The following XPO5 variants were observed in gnomAD, a reference collection of about 807,000 sequenced individuals.
XPO5 encodes the protein exportin 5.
A neutral mutation model predicts 160.6 loss-of-function variants in XPO5; 46 were observed. That is an observed-to-expected ratio of 0.29 (90% CI 0.23 to 0.37). The LOEUF (loss-of-function observed/expected upper bound fraction) is 0.37, where lower values mean the gene tolerates loss of function less well. Ranked by LOEUF, XPO5 falls within the 10% of genes least tolerant of loss-of-function variation. The pLI is 1.00. For missense variants in XPO5, 1,090 were observed against 1,463.9 expected (o/e 0.74, Z 4.17); for synonymous variants, 537 against 519.3 (o/e 1.03, Z -0.46).
chr6:43,533,714 T>C (rs1794142707), intron 21 of XPO5, 193 bp downstream of exon 21: 1 of 358,218 alleles, frequency 2.8e-6, no homozygotes, highest in Admixed American at 3.9e-5. Flanking sequence ...GATCTGCCTG[T>C]GGTCCAACTA....
rs920203485 is a variant in XPO5, at chr6:43,536,894, G to A, written c.2343-2887C>T. 3.3e-5 allele frequency among the ~76,000 whole-genome samples: 5 copies of A among 151,318 alleles called. 1 individual carries two copies. Among genetic ancestry groups the A allele is most frequent in the African/African-American group, 1.2e-4 (5 of 41,198 alleles). On this transcript the variant is annotated intron_variant, in intron 20 of 31. Coordinates refer to ENST00000265351, the MANE Select transcript of XPO5 (RefSeq NM_020750.3). ...TCTAACACGGTGAAACAGACAATAT[G>A]GTGTCTGTCCTCGACAACTCAACTC...
chr6:43,555,764 G>C, intron 13 of XPO5, 72 bp downstream of exon 13: 5 of 1,585,142 alleles, frequency 3.2e-6, no homozygotes, highest in Non-Finnish European at 4.3e-6. Flanking sequence ...GTATAGCTCA[G>C]GCTCATTTCC....
chr6:43,556,494 T>C (rs1413750045), intron 12 of XPO5, among the ~76,000 whole-genome samples: 1 of 148,504 alleles, frequency 6.7e-6, no homozygotes, highest in East Asian at 2.0e-4. Flanking sequence ...GCACCACTCT[T>C]GCCTGGACAA....
Position 43,548,246 on chromosome 6 carries a change from A to G in XPO5, c.2060+15T>C. 6.3e-7 allele frequency: 1 copy of G among 1,581,648 alleles called. No individual in the cohort carries two copies. Among genetic ancestry groups the G allele is most frequent in the Non-Finnish European group, 8.6e-7 (1 of 1,160,768 alleles). On this transcript the variant is annotated intron_variant, in intron 18 of 31. Coordinates refer to ENST00000265351, the MANE Select transcript of XPO5 (RefSeq NM_020750.3). Reference sequence around the variant, plus strand: ...CTTGAGTATAGTAAGAGTCAGGGCAAGGGATCTCCTTTACCTGTGCATGTC... The same window carrying G: ...CTTGAGTATAGTAAGAGTCAGGGCAGGGGATCTCCTTTACCTGTGCATGTC...
chr6:43,525,673 G>A lies in XPO5; in HGVS notation c.3066+166C>T. On this transcript the variant is annotated intron_variant, in intron 28 of 31. Transcript: ENST00000265351. ...CTATGCTGGTATGGGAGACACCATGGCATTGCACCTTTTCCCTCGGTTTTT... is the reference window on the plus strand; with the variant it reads ...CTATGCTGGTATGGGAGACACCATGACATTGCACCTTTTCCCTCGGTTTTT... 4 of 663,116 alleles carry A rather than the reference G, an allele frequency of 6.0e-6. No individual in the cohort carries two copies. The East Asian group carries it at 1.1e-4, about 18-fold the overall frequency. 41.1% of individuals were successfully genotyped at this position (663,116 alleles called of 1,614,324 possible). A position where few individuals can be genotyped will look rare whatever the true frequency, so the allele number is the denominator to read the frequency against.
rs1485505547 is a variant in XPO5 at position 43,549,504 on chromosome 6, G to A, written c.1845C>T (p.Tyr615=). ...CSSIIKMCRD[Y]PQLVLPNFDM... ...AGCAGCTTACCAGCACAAGCTGGGG[G>A]TAGTCACGACACATCTTGATGATGG... Residue 615 remains tyrosine, a synonymous_variant, in exon 17 of 32, where the codon TAC becomes TAT. Transcript: ENST00000265351. The A allele has an allele frequency of 3.7e-6, 6 of 1,612,018 alleles. No homozygotes were observed. Among genetic ancestry groups the A allele is most frequent in the African/African-American group, 1.3e-5 (1 of 74,966 alleles).
At chr6:43,569,547 A>T (rs942495103) in intron 5 of XPO5, among the ~76,000 whole-genome samples, 1 of 152,046 alleles carries the variant, frequency 6.6e-6, no homozygotes, top group Non-Finnish European at 1.5e-5. Flanking sequence ...CAGCCTGACC[A>T]ACATGGTGAA....
At chr6:43,546,329 G>A (rs1456452549) in intron 20 of XPO5, among the ~76,000 whole-genome samples, 3 of 152,166 alleles carry the variant, frequency 2.0e-5, no homozygotes, top group Non-Finnish European at 4.4e-5. Context: ...ACAAAGAGGA[G>A]GCTCAAAATG....
At chr6:43,544,936 G>GCA (rs1794891707) in intron 20 of XPO5, among the ~76,000 whole-genome samples, 1 of 152,090 alleles carries the variant, frequency 6.6e-6, no homozygotes, top group African/African-American at 2.4e-5. Flanking sequence ...GCAGTGGCGT[G>GCA]ATCTTAGCTC....
chr6:43,526,175 A>T (rs1793575857), intron 27 of XPO5: 1 of 489,732 alleles, frequency 2.0e-6, no homozygotes, highest in African/African-American at 1.9e-5. Context: ...TACTGAAGTT[A>T]CTTTGTTGTT....
In XPO5 at chr6:43,549,590, C is replaced by T. The variant is rs1795129968; in HGVS notation, c.1771-12G>A. On this transcript the variant is annotated splice_polypyrimidine_tract_variant and intron_variant, in intron 16 of 31. Transcript: ENST00000265351. ...CGGGTTCTGGGGGCCTGAAAAGAGA[C>T]ATTCAACAAACTCGGAGCTGCTTTT... is the stretch of plus-strand genomic sequence containing the variant. 3.7e-6 allele frequency: 6 copies of T among 1,611,122 alleles called. No homozygotes were observed. The highest frequency in any genetic ancestry group is 1.3e-5 in the African/African-American group (1 of 74,798).
chr6:43,565,820 T>C (rs1018153664), intron 7 of XPO5, 84 bp from the exon 8 acceptor site: 2 of 1,101,588 alleles, frequency 1.8e-6, no homozygotes, highest in African/African-American at 1.6e-5. Flanking sequence ...ATCAAATATA[T>C]TGACTTCATA....
intron 1 of XPO5, among the ~76,000 whole-genome samples, chr6:43,573,823 A>ATATATATT (rs1491529922): frequency 2.4e-5 from 3 of 126,196 alleles, no homozygotes; most frequent in African/African-American, 9.8e-5. Flanking sequence ...ATATATATAT[A>ATATATATT]TTTTTTTTTT....
intron 23 of XPO5, among the ~76,000 whole-genome samples, chr6:43,530,431 A>T (rs898782607): frequency 6.6e-6 from 1 of 152,172 alleles, no homozygotes; most frequent in Non-Finnish European, 1.5e-5. Flanking sequence ...TCAAAAAAAA[A>T]AAAAAGTTTT....
rs757648867 is a variant in XPO5, at chr6:43,558,567, T to G, written c.1246A>C (p.Ser416Arg). The G allele has an allele frequency of 6.3e-7, 1 of 1,598,450 alleles. No individual in the cohort carries two copies. Among genetic ancestry groups the G allele is most frequent in the South Asian group, 1.1e-5 (1 of 87,554 alleles). The change falls in exon 12 of 32, where the codon AGC (serine) becomes CGC (arginine). Residue 416 changes from serine (S) to arginine (R), a missense_variant. Physicochemically the swap from Ser to Arg is moderately radical, Grantham distance 110. Transcript: ENST00000265351. The part of the protein sequence containing the change: ...VKMGFPSKTD[S>R]PSCEYSRFDF... ...AACCGAGAATATTCACAGCTAGGGC[T>G]GTCTGTTTTAGAAGGAAAGCCCATC...
At position 43,546,579 on chromosome 6, in the gene XPO5, C is replaced by T. The variant is rs745435024; in HGVS notation, c.2334G>A (p.Ala778=). The T allele has an allele frequency of 2.5e-6, 4 of 1,607,398 alleles. No homozygotes were observed. The highest frequency in any genetic ancestry group is 2.2e-5 in the South Asian group (2 of 89,348). The change falls in exon 20 of 32, where the codon GCG becomes GCA. Residue 778 remains alanine (A), a synonymous_variant. Coordinates refer to ENST00000265351, the MANE Select transcript of XPO5 (RefSeq NM_020750.3). The part of the protein sequence containing the change: ...QILKLLDNLL[A]LIRTHNTLYA... ...CCATTATTCTGACTCACCTTATAAG[C>T]GCAAGCAAATTGTCAAGAAGTTTCA...
intron 20 of XPO5, among the ~76,000 whole-genome samples, chr6:43,542,330 T>C (rs1015873412): frequency 5.9e-5 from 9 of 152,290 alleles, no homozygotes; most frequent in South Asian, 4.1e-4. Flanking sequence ...ATCAGATTAT[T>C]TGACGCAGGA....
At chr6:43,544,593 C>T (rs1027632627) in intron 20 of XPO5, among the ~76,000 whole-genome samples, 5 of 152,104 alleles carry the variant, frequency 3.3e-5, no homozygotes, top group African/African-American at 4.8e-5. Context: ...ATCACTTTCA[C>T]GTTTCTCTAG....
In XPO5 at chr6:43,548,416, GGA is replaced by G; in HGVS notation, c.1903_1904del (p.Ser635GlnfsTer2). On this transcript the variant is annotated frameshift_variant, in exon 18 of 32. Transcript: ENST00000265351. LOFTEE classifies it high-confidence loss of function. ...MLYNHVKQLL[S>X]NELLLTQMEK... is the part of the protein sequence containing the mutation. ...CCATTTGTGTCAGGAGTAGCTCATT[GGA>G]GAGGAGTTGCTTCACATGGTTATAA... is the stretch of plus-strand genomic sequence containing the variant. The G allele has an allele frequency of 6.2e-7, 1 of 1,605,882 alleles. No homozygotes were observed. Among genetic ancestry groups the G allele is most frequent in the Non-Finnish European group, 8.5e-7 (1 of 1,174,584 alleles).
Sources: gnomAD v4.1 joint callset for allele counts (sites outside exome capture counted in the v4.1 genomes callset) on GRCh38, gnomAD v4.1.1 for gene constraint, MANE v1.5 for transcripts, NCBI Gene and HGNC (gene_info 2026-07-23, HGNC 2026-07-21) for gene names.